Variants in ATG5 observed in about 807,000 individuals in gnomAD.
The protein encoded by ATG5 is autophagy protein 5.
ATG5 carries 14 observed loss-of-function variants against 36.5 expected under a neutral mutation model. That is an observed-to-expected ratio of 0.38 (90% CI 0.25 to 0.60). The LOEUF (loss-of-function observed/expected upper bound fraction) is 0.60. Ranked by LOEUF, ATG5 falls within the 20% of genes least tolerant of loss-of-function variation. The probability of loss-of-function intolerance (pLI) is 0.60; values close to 1 mark genes in which losing one functional copy is unlikely to be tolerated. For missense variants in ATG5, 195 were observed against 326.7 expected (o/e 0.60, Z 3.11); for synonymous variants, 95 against 101.5 (o/e 0.94, Z 0.38).
At chr6:106,307,989 AG>A (rs1420529832) in intron 3 of ATG5, among the ~76,000 whole-genome samples, 1 of 152,182 alleles carries the variant, frequency 6.6e-6, no homozygotes, top group Non-Finnish European at 1.5e-5. Flanking sequence ...ATGCCACTTA[AG>A]GTAATCATGT....
chr6:106,224,920 T>C (rs961366662), intron 6 of ATG5, among the ~76,000 whole-genome samples: 1 of 151,890 alleles, frequency 6.6e-6, no homozygotes, highest in African/African-American at 2.4e-5. Flanking sequence ...AACACAGAAA[T>C]ACATCAATTA....
chr6:106,276,674 A>G (rs1188427995), intron 5 of ATG5, among the ~76,000 whole-genome samples: 3 of 152,218 alleles, frequency 2.0e-5, no homozygotes, highest in Non-Finnish European at 4.4e-5. Context: ...AGACTCAGCC[A>G]TTCACAATAG....
At chr6:106,206,274 C>T (rs977489913) in intron 6 of ATG5, among the ~76,000 whole-genome samples, 35 of 152,010 alleles carry the variant, frequency 2.3e-4, no homozygotes, top group Non-Finnish European at 2.2e-4. Context: ...GGGGTGGGGG[C>T]GCAGCAACCA....
At chr6:106,252,905 T>C (rs1352037106) in intron 5 of ATG5, among the ~76,000 whole-genome samples, 2 of 152,322 alleles carry the variant, frequency 1.3e-5, no homozygotes, top group South Asian at 2.1e-4. Flanking sequence ...AGCTTGTCTT[T>C]GGAAGGAAAA....
Position 106,224,808 on chromosome 6 carries a change from G to C in ATG5, c.574-22719C>G, listed in dbSNP as rs995479706. On this transcript the variant is annotated intron_variant, in intron 6 of 7. Transcript: ENST00000369076. ...AGGTAGGAGAATCGCTTGAACCCGG[G>C]AGGCGGAGGTTGCAGTGAGCTGAGA... Among the ~76,000 whole-genome samples, 13 of 152,314 alleles carry C rather than the reference G, an allele frequency of 8.5e-5. 1 individual carries two copies. Among genetic ancestry groups the C allele is most frequent in the Admixed American group, 3.3e-4 (5 of 15,304 alleles).
chr6:106,233,596 C>A (rs1003296623), intron 6 of ATG5, among the ~76,000 whole-genome samples: 2 of 152,172 alleles, frequency 1.3e-5, no homozygotes, highest in Non-Finnish European at 2.9e-5. Flanking sequence ...GGGTTGGCCT[C>A]ATTGTTTATG....
intron 1 of ATG5, among the ~76,000 whole-genome samples, chr6:106,322,264 C>T (rs1330523571): frequency 6.6e-6 from 1 of 152,118 alleles, no homozygotes; most frequent in Non-Finnish European, 1.5e-5. Context: ...CACGGTGTGA[C>T]AACAATATAA....
chr6:106,229,449 G>A (rs969548345), intron 6 of ATG5, among the ~76,000 whole-genome samples: 1 of 151,934 alleles, frequency 6.6e-6, no homozygotes, highest in Non-Finnish European at 1.5e-5. Flanking sequence ...GAGAGAGAGA[G>A]ACAGGGAGGA....
Position 106,186,317 on chromosome 6 carries a change from T to G in ATG5, c.*223A>C, listed in dbSNP as rs143306121. On this transcript the variant is annotated 3_prime_UTR_variant, in exon 8 of 8. Coordinates refer to ENST00000369076, the MANE Select transcript of ATG5 (RefSeq NM_004849.4). ...TCAGTGGTCCGGTAAGTCTTTCATG[T>G]CACAGCTGAGGTTTAATGATGGCAG... 1 of 498,560 alleles carries G rather than the reference T, an allele frequency of 2.0e-6. No homozygotes were observed. Among genetic ancestry groups the G allele is most frequent in the African/African-American group, 1.9e-5 (1 of 51,296 alleles). The allele number at this position is 498,560 out of a possible 1,614,324, so 30.9% of individuals were successfully genotyped here. A position where few individuals can be genotyped will look rare whatever the true frequency, so the allele number is the denominator to read the frequency against.
intron 6 of ATG5, among the ~76,000 whole-genome samples, chr6:106,228,187 C>T (rs1296206095): frequency 6.6e-6 from 1 of 152,170 alleles, no homozygotes; most frequent in Non-Finnish European, 1.5e-5. Context: ...TGTTTTCACT[C>T]TATTAAATCT....
In ATG5 at chr6:106,188,649, G is replaced by A. The variant is rs537739634; in HGVS notation, c.692-1973C>T. Reference sequence around the variant, plus strand: ...ATGAGTTGTACAACAGAAGCTGGAGGACAAAAGCACTATTCAAACACTGTG... The same window carrying A: ...ATGAGTTGTACAACAGAAGCTGGAGAACAAAAGCACTATTCAAACACTGTG... On this transcript the variant is annotated intron_variant, in intron 7 of 7. Coordinates refer to ENST00000369076, the MANE Select transcript of ATG5 (RefSeq NM_004849.4). 5.3e-5 allele frequency among the ~76,000 whole-genome samples: 8 copies of A among 152,312 alleles called. No homozygotes were observed. The South Asian group carries it at 6.2e-4, about 12-fold the overall frequency.
intron 3 of ATG5, among the ~76,000 whole-genome samples, chr6:106,295,959 G>A (rs1005119040): frequency 2.0e-5 from 3 of 152,018 alleles, no homozygotes; most frequent in Admixed American, 6.6e-5. Flanking sequence ...TTTAAAAAAC[G>A]AGAAAACTAT....
At chr6:106,295,613 G>C (rs552086287) in intron 3 of ATG5, among the ~76,000 whole-genome samples, 1 of 151,240 alleles carries the variant, frequency 6.6e-6, no homozygotes, top group East Asian at 1.9e-4. Flanking sequence ...ACCTAGGCTG[G>C]AGTGCAGTGG....
rs150960253 is a variant in ATG5, at chr6:106,211,893, G to A, written c.574-9804C>T. Among the ~76,000 whole-genome samples, 12 of 152,272 alleles carry A rather than the reference G, an allele frequency of 7.9e-5. No homozygotes were observed. The East Asian group carries it at 1.3e-3, about 17-fold the overall frequency. On this transcript the variant is annotated intron_variant, in intron 6 of 7. Coordinates refer to ENST00000369076, the MANE Select transcript of ATG5 (RefSeq NM_004849.4). ...TTTATTCATCAGCTACTTTGTGTGT[G>A]TGCTTTGTTTTTAAGTCTTTTGAAA...
chr6:106,195,306 A>T (rs1373332675), intron 7 of ATG5, among the ~76,000 whole-genome samples: 1 of 152,208 alleles, frequency 6.6e-6, no homozygotes, highest in East Asian at 1.9e-4. Context: ...ATGTGATGAC[A>T]GCAAGTTCTT....
intron 3 of ATG5, among the ~76,000 whole-genome samples, chr6:106,299,453 C>T (rs1432782496): frequency 6.6e-6 from 1 of 152,084 alleles, no homozygotes; most frequent in African/African-American, 2.4e-5. Context: ...AACTCTTATC[C>T]AGAACTGTAT....
intron 5 of ATG5, among the ~76,000 whole-genome samples, chr6:106,276,789 G>T (rs962886786): frequency 6.6e-6 from 1 of 151,968 alleles, no homozygotes; most frequent in African/African-American, 2.4e-5. Context: ...TTTCTATTTA[G>T]GCTATCTTCT....
intron 6 of ATG5, among the ~76,000 whole-genome samples, chr6:106,243,443 G>A (rs890006748): frequency 6.6e-6 from 1 of 151,692 alleles, no homozygotes; most frequent in African/African-American, 2.4e-5. Context: ...TGGGTGGATC[G>A]CTTGAGCCGG....
intron 4 of ATG5, among the ~76,000 whole-genome samples, chr6:106,290,800 C>T (rs1328738090): frequency 6.6e-6 from 1 of 152,148 alleles, no homozygotes; most frequent in African/African-American, 2.4e-5. Flanking sequence ...CAAATGTTGA[C>T]CCTTTCACTA....
Sources: allele counts gnomAD v4.1 joint callset (sites outside exome capture counted in the v4.1 genomes callset), GRCh38; gene constraint gnomAD v4.1.1; transcripts MANE v1.5; gene names NCBI Gene and HGNC (gene_info 2026-07-23, HGNC 2026-07-21).